The following SLC16A4 variants were observed in gnomAD, a reference collection of about 807,000 sequenced individuals.
SLC16A4 encodes solute carrier family 16 member 4.
A neutral mutation model predicts 47.9 loss-of-function variants in SLC16A4; 39 were observed. The ratio of observed to expected loss-of-function variants is 0.81; its 90% CI spans 0.63 to 1.06. The LOEUF (loss-of-function observed/expected upper bound fraction) is 1.06. Ranked by LOEUF, SLC16A4 falls within the 50% of genes least tolerant of loss-of-function variation. The pLI, the probability that SLC16A4 is intolerant of heterozygous loss-of-function variation, is 0.00. For synonymous variants in SLC16A4, 189 were observed against 199.9 expected (o/e 0.95, Z 0.46); for missense variants, 524 against 573.8 (o/e 0.91, Z 0.89).
chr1:110,365,942 CTTTCT>C (rs887766476), intron 8 of SLC16A4, among the ~76,000 whole-genome samples: 2 of 151,986 alleles, frequency 1.3e-5, no homozygotes, highest in African/African-American at 2.4e-5. Flanking sequence ...TAAGCCTTTT[CTTTCT>C]TTTCTTTTCT....
Position 110,363,295 on chromosome 1 carries a change from T to C in SLC16A4, c.*471A>G, listed in dbSNP as rs1389857937. ...GCTATTACTCTTGTCTTACTACCAA[T>C]TAGACATTTCTCAGAATGCTAAAGC... On this transcript the variant is annotated 3_prime_UTR_variant, in exon 9 of 9. Transcript: ENST00000369779. 2 of 152,316 alleles carry C rather than the reference T, an allele frequency of 1.3e-5. No homozygotes were observed. Among genetic ancestry groups the C allele is most frequent in the African/African-American group, 4.8e-5 (2 of 41,444 alleles). 9.4% of individuals were successfully genotyped at this position (152,316 alleles called of 1,614,324 possible). A position where few individuals can be genotyped will look rare whatever the true frequency, so the allele number is the denominator to read the frequency against.
intron 6 of SLC16A4, 101 bp from the exon 7 acceptor site, chr1:110,377,262 G>A: frequency 3.4e-6 from 3 of 893,460 alleles, no homozygotes. Context: ...CCTGAGGCCA[G>A]GATATGTGAG....
At position 110,363,813 on chromosome 1, in the gene SLC16A4, A is replaced by G. The variant is rs1181436203; in HGVS notation, c.1417T>C (p.Phe473Leu). ...CTTTCGGCCAATGGTACAAAAAAAA[A>G]GGAAACTGAAGAGAGGAGATAGCAT... ...GICYLLSSVS[F>L]FFVPLAERWK... Residue 473 changes from phenylalanine (F) to leucine (L), a missense_variant, in exon 9 of 9, where the codon TTT (phenylalanine) becomes CTT (leucine). By Grantham distance (22) the Phe-to-Leu change is conservative (BLOSUM62 0). Transcript: ENST00000369779. 3.7e-6 allele frequency: 6 copies of G among 1,612,176 alleles called. No homozygotes were observed. The African/African-American group carries it at 5.3e-5, about 14-fold the overall frequency.
In SLC16A4 at chr1:110,385,255, AAAC is replaced by A. The variant is rs538076025; in HGVS notation, c.88-2292_88-2290del. Among the ~76,000 whole-genome samples, 467 of 152,346 alleles carry A rather than the reference AAAC, an allele frequency of 3.1e-3. 8 individuals are homozygous for A. The highest frequency in any genetic ancestry group is 1.3e-3 in the Non-Finnish European group (86 of 68,032). ...TTCCTACTGGGGCGTGACCTTGGGC[AAAC>A]AACTTCGCACGTCACATGGGTTAAG... is the stretch of plus-strand genomic sequence containing the variant. On this transcript the variant is annotated intron_variant, in intron 2 of 8. Coordinates refer to ENST00000369779, the MANE Select transcript of SLC16A4 (RefSeq NM_004696.3).
intron 8 of SLC16A4, among the ~76,000 whole-genome samples, chr1:110,373,214 G>A (rs1661778615): frequency 1.3e-5 from 2 of 152,052 alleles, no homozygotes; most frequent in Admixed American, 1.3e-4. Context: ...ACATGTTATA[G>A]TTTTGTTGCT....
intron 8 of SLC16A4, chr1:110,370,887 C>T (rs1661652608): frequency 6.6e-6 from 1 of 152,190 alleles, no homozygotes; most frequent in Non-Finnish European, 1.5e-5. Flanking sequence ...AGGTGATGGG[C>T]TACAGTGGCT....
chr1:110,375,623 C>G, intron 7 of SLC16A4, 72 bp from the exon 8 acceptor site: 1 of 826,298 alleles, frequency 1.2e-6, no homozygotes, highest in Non-Finnish European at 2.1e-6. Flanking sequence ...CTAAAAGGGA[C>G]AAATACTATT....
chr1:110,368,929 A>C (rs1661542148), intron 8 of SLC16A4, among the ~76,000 whole-genome samples: 2 of 151,982 alleles, frequency 1.3e-5, no homozygotes, highest in South Asian at 4.2e-4. Context: ...GAATCTCAGA[A>C]CTTGATTGTT....
chr1:110,383,808 T>TTTTTTTTG (rs2101061144), intron 2 of SLC16A4, among the ~76,000 whole-genome samples: 1 of 75,246 alleles, frequency 1.3e-5, no homozygotes, highest in East Asian at 2.7e-4. Flanking sequence ...AAAGGAGGTT[T>TTTTTTTTG]TTTTTTTTTT....
intron 5 of SLC16A4, chr1:110,379,887 T>A (rs1428073593): frequency 6.6e-6 from 1 of 151,956 alleles, no homozygotes; most frequent in Non-Finnish European, 1.5e-5. Context: ...TGAAAACCTG[T>A]CTCTACAAAA....
At chr1:110,378,107 G>A (rs1372645286) in intron 6 of SLC16A4, among the ~76,000 whole-genome samples, 3 of 152,206 alleles carry the variant, frequency 2.0e-5, no homozygotes, top group Non-Finnish European at 4.4e-5. Context: ...GGGATTACAG[G>A]CGTGAGCCAC....
chr1:110,383,164 A>G (rs1389888641), intron 2 of SLC16A4, among the ~76,000 whole-genome samples, 198 bp from the exon 3 acceptor site: 2 of 152,204 alleles, frequency 1.3e-5, no homozygotes, highest in Non-Finnish European at 2.9e-5. Flanking sequence ...AAATGGAAAC[A>G]TCTCATTTAA....
chr1:110,390,564 G>A (rs1182173761), intron 1 of SLC16A4, among the ~76,000 whole-genome samples: 1 of 152,162 alleles, frequency 6.6e-6, no homozygotes, highest in East Asian at 1.9e-4. Context: ...ATATTCTTAG[G>A]AGATACATGC....
At chr1:110,378,007 T>G (rs1275202538) in intron 6 of SLC16A4, among the ~76,000 whole-genome samples, 1 of 152,070 alleles carries the variant, frequency 6.6e-6, no homozygotes, top group African/African-American at 2.4e-5. Context: ...TTTTTTGTAT[T>G]TTTAGTAGAG....
At chr1:110,381,621 T>G in intron 4 of SLC16A4, 31 bp downstream of exon 4, 1 of 1,595,170 alleles carries the variant, frequency 6.3e-7, no homozygotes, top group Non-Finnish European at 8.5e-7. Context: ...ACTCCTGGCC[T>G]TCTATGGTCA....
chr1:110,363,777 T>C lies in SLC16A4; in HGVS notation c.1453A>G (p.Ser485Gly), dbSNP rs1272749493. ...FVPLAERWKN[S>G]LT ...CAGTCTTCTTTCTTTCAGGTCAGAC[T>C]GTTTTTCCATCTTTCGGCCAATGGT... The change falls in exon 9 of 9, where the codon AGT becomes GGT. Residue 485 changes from serine (S) to glycine (G), a missense_variant. Ser to Gly is a moderately conservative substitution (Grantham distance 56, BLOSUM62 0). Transcript: ENST00000369779. 6.2e-7 allele frequency: 1 copy of C among 1,608,758 alleles called. No individual in the cohort carries two copies. The highest frequency in any genetic ancestry group is 1.3e-5 in the African/African-American group (1 of 74,512).
chr1:110,383,644 G>A (rs576464589), intron 2 of SLC16A4, among the ~76,000 whole-genome samples: 4 of 152,108 alleles, frequency 2.6e-5, no homozygotes, highest in Admixed American at 6.5e-5. Flanking sequence ...GTTATCCCCC[G>A]AGCAATTTGG....
At chr1:110,371,215 A>G (rs1167414538) in intron 8 of SLC16A4, 1 of 152,244 alleles carries the variant, frequency 6.6e-6, no homozygotes, top group Admixed American at 6.5e-5. Flanking sequence ...GGGAGTTTTC[A>G]GAAGATATTT....
chr1:110,363,355 C>CAGTG lies in SLC16A4; in HGVS notation c.*407_*410dup, dbSNP rs1661178590. 6.6e-6 allele frequency: 1 copy of CAGTG among 152,618 alleles called. No individual in the cohort carries two copies. Among genetic ancestry groups the CAGTG allele is most frequent in the Non-Finnish European group, 1.5e-5 (1 of 68,368 alleles). 9.5% of individuals were successfully genotyped at this position (152,618 alleles called of 1,614,324 possible). ...CCTTAAAAACTTATCTGGCCGCGCC[C>CAGTG]AGTGGCTCATGCCTGTAATCCCAGC... is the stretch of plus-strand genomic sequence containing the variant. On this transcript the variant is annotated 3_prime_UTR_variant, in exon 9 of 9. Transcript: ENST00000369779.
Sources: allele counts gnomAD v4.1 joint callset (sites outside exome capture counted in the v4.1 genomes callset), GRCh38; gene constraint gnomAD v4.1.1; transcripts MANE v1.5; gene names NCBI Gene and HGNC (gene_info 2026-07-23, HGNC 2026-07-21).